SLC9B1: variants seen among roughly 807,000 people sequenced by gnomAD.
SLC9B1 encodes solute carrier family 9 member B1, also known as sodium/hydrogen exchanger 9B1.
Under a neutral mutation model 51.7 loss-of-function variants are expected in SLC9B1, and 32 were observed. The ratio of observed to expected loss-of-function variants is 0.62; its 90% CI spans 0.47 to 0.83. The LOEUF is 0.83. Ranked by LOEUF, SLC9B1 falls within the 40% of genes least tolerant of loss-of-function variation. SLC9B1 has a pLI of 0.00. For synonymous variants in SLC9B1, 145 were observed against 212.7 expected, an observed-to-expected ratio of 0.68 and a Z score of 2.77; for missense variants, 406 against 613.2, an observed-to-expected ratio of 0.66 and a Z score of 3.57.
intron 3 of SLC9B1, among the ~76,000 whole-genome samples, chr4:102,977,528 T>A (rs1739140154): frequency 6.6e-6 from 1 of 152,192 alleles, no homozygotes; most frequent in Non-Finnish European, 1.5e-5. Context: ...GTTTGCTGAG[T>A]AAATGACATT....
intron 1 of SLC9B1, among the ~76,000 whole-genome samples, chr4:102,991,993 GA>G (rs1426597513): frequency 6.6e-6 from 1 of 152,068 alleles, no homozygotes; most frequent in Non-Finnish European, 1.5e-5. Flanking sequence ...TCATGTATCA[GA>G]AAATGCAGAA....
chr4:102,945,263 C>A lies in SLC9B1; in HGVS notation c.583G>T (p.Glu195Ter). 6.2e-7 allele frequency: 1 copy of A among 1,608,958 alleles called. No individual in the cohort carries two copies. Among genetic ancestry groups the A allele is most frequent in the South Asian group, 1.1e-5 (1 of 90,416 alleles). Reference sequence around the variant, plus strand: ...GAAAAAACAGCAGCTGCACTTGCCTCCATAAGGCATGGACCTACAGCCAAT... The same window carrying A: ...GAAAAAACAGCAGCTGCACTTGCCTACATAAGGCATGGACCTACAGCCAAT... ...FRLAVGPCLM[E>*]ASAAAVFSHF... The change falls in exon 6 of 12, where the codon GAG (glutamate) becomes TAG (stop). Residue 195 changes from glutamate (E) to a stop codon, truncating the protein, a stop_gained. Coordinates refer to ENST00000296422, the MANE Select transcript of SLC9B1 (RefSeq NM_139173.4). LOFTEE classifies it high-confidence loss of function.
chr4:102,957,886 A>G (rs1737890957), intron 3 of SLC9B1, among the ~76,000 whole-genome samples: 1 of 152,220 alleles, frequency 6.6e-6, no homozygotes, highest in African/African-American at 2.4e-5. Context: ...AGTTCATAGC[A>G]TATAAGAGGT....
At chr4:102,906,475 T>A (rs749997509) in intron 10 of SLC9B1, 61 bp downstream of exon 10, 4 of 833,982 alleles carry the variant, frequency 4.8e-6, no homozygotes, top group South Asian at 3.5e-5. Context: ...AAAATAAATG[T>A]ATTTATAATT....
chr4:102,930,219 GT>G (rs1278476782), intron 7 of SLC9B1, among the ~76,000 whole-genome samples: 1 of 152,132 alleles, frequency 6.6e-6, no homozygotes, highest in African/African-American at 2.4e-5. Flanking sequence ...AAAAAGGCTA[GT>G]ATTACCAAGT....
chr4:102,890,697 C>G (rs566358752), intron 11 of SLC9B1: 1 of 151,834 alleles, frequency 6.6e-6, no homozygotes, highest in African/African-American at 2.4e-5. Context: ...CAAAAATTAG[C>G]CGGGCACAGT....
chr4:102,938,742 T>C (rs1414698739), intron 6 of SLC9B1, among the ~76,000 whole-genome samples: 1 of 152,120 alleles, frequency 6.6e-6, no homozygotes, highest in Non-Finnish European at 1.5e-5. Context: ...ACCATACAAT[T>C]ACATGGAAAT....
chr4:102,983,796 AG>A (rs1466729490), intron 3 of SLC9B1, among the ~76,000 whole-genome samples: 1 of 152,128 alleles, frequency 6.6e-6, no homozygotes, highest in African/African-American at 2.4e-5. Context: ...GTTTGGCTAA[AG>A]GCTTATCAAT....
chr4:102,963,002 T>C (rs777663545), intron 3 of SLC9B1: 4 of 459,320 alleles, frequency 8.7e-6, no homozygotes, highest in East Asian at 1.4e-4. Context: ...AACTGTCCCA[T>C]TGATGTGCAT....
intron 1 of SLC9B1, among the ~76,000 whole-genome samples, chr4:103,011,793 G>A (rs942649897): frequency 1.1e-4 from 16 of 152,272 alleles, no homozygotes; most frequent in African/African-American, 3.6e-4. Context: ...GAAAGTTGAC[G>A]TGGCCCTAGG....
At chr4:102,945,449 A>T (rs1357555212) in intron 5 of SLC9B1, 129 bp from the exon 6 acceptor site, 1 of 953,784 alleles carries the variant, frequency 1.0e-6, no homozygotes, top group Non-Finnish European at 1.5e-6. Flanking sequence ...ATTTCAACAG[A>T]TTGTCCCACT....
chr4:103,015,928 C>G (rs1741293316), intron 1 of SLC9B1, among the ~76,000 whole-genome samples: 1 of 151,698 alleles, frequency 6.6e-6, no homozygotes, highest in Non-Finnish European at 1.5e-5. Context: ...GTCAGGAGTT[C>G]AAGACCAGCC....
intron 3 of SLC9B1, among the ~76,000 whole-genome samples, chr4:102,972,852 G>A (rs1738835718): frequency 6.6e-6 from 1 of 152,048 alleles, no homozygotes; most frequent in African/African-American, 2.4e-5. Context: ...ACAAATGAGG[G>A]TGATCAAAAT....
intron 6 of SLC9B1, among the ~76,000 whole-genome samples, chr4:102,943,697 G>T (rs1375763549): frequency 6.6e-6 from 1 of 152,136 alleles, no homozygotes; most frequent in Non-Finnish European, 1.5e-5. Context: ...ATGCTATGAG[G>T]ATGCAAAAGC....
chr4:102,982,600 T>A (rs1189773161), intron 3 of SLC9B1, among the ~76,000 whole-genome samples: 1 of 152,174 alleles, frequency 6.6e-6, no homozygotes, highest in African/African-American at 2.4e-5. Context: ...ATAGATCTTG[T>A]ATATATTTTT....
At chr4:102,970,939 T>C (rs1452745965) in intron 3 of SLC9B1, among the ~76,000 whole-genome samples, 1 of 152,192 alleles carries the variant, frequency 6.6e-6, no homozygotes, top group East Asian at 1.9e-4. Flanking sequence ...AAGATCTAAC[T>C]ATCCTAACTA....
At chr4:102,989,657 C>T in intron 3 of SLC9B1, 143 bp downstream of exon 3, 1 of 454,830 alleles carries the variant, frequency 2.2e-6, no homozygotes, top group Non-Finnish European at 3.7e-6. Context: ...AATATTTCCT[C>T]TTTGTTCACA....
intron 3 of SLC9B1, among the ~76,000 whole-genome samples, chr4:102,954,064 A>C (rs1291409143): frequency 2.2e-5 from 1 of 45,642 alleles, no homozygotes; most frequent in Non-Finnish European, 3.6e-5. Flanking sequence ...TTCAAAGGGA[A>C]TGCTTCCAGT....
intron 11 of SLC9B1, among the ~76,000 whole-genome samples, chr4:102,885,697 C>T (rs1733874036): frequency 6.6e-6 from 1 of 152,154 alleles, no homozygotes; most frequent in African/African-American, 2.4e-5. Context: ...AATACACATT[C>T]TTTGAGAGAG....
Sources: allele counts gnomAD v4.1 joint callset (sites outside exome capture counted in the v4.1 genomes callset), GRCh38; gene constraint gnomAD v4.1.1; transcripts MANE v1.5; gene names NCBI Gene and HGNC (gene_info 2026-07-23, HGNC 2026-07-21).